Variants in CHST9 observed in about 807,000 individuals in gnomAD.
CHST9 encodes the protein carbohydrate sulfotransferase 9, also known as GalNAc-4-sulfotransferase 2.
CHST9 carries 41 observed loss-of-function variants against 44.4 expected under a neutral mutation model. The observed-to-expected ratio is 0.92, with a 90% CI of 0.72 to 1.20. CHST9 has a LOEUF of 1.20. Among genes scored for constraint, CHST9 ranks in the 50% most tolerant of loss-of-function variants. CHST9 has a pLI of 0.00. For missense variants in CHST9, 504 were observed against 516.5 expected, an observed-to-expected ratio of 0.98 and a Z score of 0.23; for synonymous variants, 171 against 178.4, an observed-to-expected ratio of 0.96 and a Z score of 0.33.
chr18:27,021,544 T>G (rs2143453269), intron 4 of CHST9, among the ~76,000 whole-genome samples: 1 of 152,324 alleles, frequency 6.6e-6, no homozygotes, highest in Non-Finnish European at 1.5e-5. Context: ...TCATTCCTTT[T>G]GATTGCTCCA....
At chr18:27,078,914 A>G (rs1385219991) in intron 2 of CHST9, among the ~76,000 whole-genome samples, 1 of 152,196 alleles carries the variant, frequency 6.6e-6, no homozygotes, top group Non-Finnish European at 1.5e-5. Context: ...CAGATATAGA[A>G]TTCATTAATG....
At chr18:27,163,507 G>A (rs942207408) in intron 1 of CHST9, among the ~76,000 whole-genome samples, 4 of 152,166 alleles carry the variant, frequency 2.6e-5, no homozygotes, top group Non-Finnish European at 4.4e-5. Flanking sequence ...TCAAGCCTCC[G>A]CAATGGCGGG....
At chr18:26,995,667 T>C (rs1037048966) in intron 4 of CHST9, among the ~76,000 whole-genome samples, 46 of 152,184 alleles carry the variant, frequency 3.0e-4, no homozygotes, top group Admixed American at 2.0e-3. Context: ...TAGCTTGGGA[T>C]ACATGAAAAA....
At chr18:26,917,873 G>GTT (rs1172932742) in intron 5 of CHST9, among the ~76,000 whole-genome samples, 2 of 124,774 alleles carry the variant, frequency 1.6e-5, no homozygotes, top group Non-Finnish European at 3.6e-5. Context: ...CAAAAATCAT[G>GTT]TATTTTTTTT....
At chr18:27,028,531 T>G (rs1242079058) in intron 3 of CHST9, among the ~76,000 whole-genome samples, 3 of 151,912 alleles carry the variant, frequency 2.0e-5, no homozygotes, top group Non-Finnish European at 4.4e-5. Flanking sequence ...GCAAATCACT[T>G]AGGAGGCCAG....
chr18:27,082,655 C>T, intron 2 of CHST9, among the ~76,000 whole-genome samples: 1 of 152,176 alleles, frequency 6.6e-6, no homozygotes, highest in East Asian at 1.9e-4. Flanking sequence ...GCAAAAATTT[C>T]AAAAGCTTCT....
intron 5 of CHST9, among the ~76,000 whole-genome samples, chr18:26,928,832 G>A (rs1225765212): frequency 1.3e-5 from 2 of 152,166 alleles, no homozygotes; most frequent in Non-Finnish European, 2.9e-5. Context: ...CTCAGGCAGA[G>A]TCACAGGTGT....
rs1389225076 is a variant in CHST9, at chr18:26,909,642, A to C, written c.*6617T>G. ...TTTTCTAAACTTTGGAAATATTTTC[A>C]GCAAATGAATGCATAAAATGAGATA... On this transcript the variant is annotated 3_prime_UTR_variant, in exon 6 of 6. Coordinates refer to ENST00000618847, the MANE Select transcript of CHST9 (RefSeq NM_031422.6). 5 of 152,240 alleles carry C rather than the reference A, an allele frequency of 3.3e-5. No homozygotes were observed. The highest frequency in any genetic ancestry group is 1.2e-4 in the African/African-American group (5 of 41,462). 9.4% of individuals were successfully genotyped at this position (152,240 alleles called of 1,614,324 possible).
rs1472466858 is a variant in CHST9, at chr18:27,065,435, G to GA, written c.122-16933dup. ...GGGGAGGAGCAGAATGCCATCTCCA[G>GA]AAAAAAAATAATTCTTTAGGAAAAT... is the stretch of plus-strand genomic sequence containing the variant. On this transcript the variant is annotated intron_variant, in intron 2 of 5. Transcript: ENST00000618847. Among the ~76,000 whole-genome samples, 7 of 151,764 alleles carry GA rather than the reference G, an allele frequency of 4.6e-5. 1 individual carries two copies. Among genetic ancestry groups the GA allele is most frequent in the African/African-American group, 1.5e-4 (6 of 41,324 alleles).
At chr18:27,082,832 C>T (rs941069527) in intron 2 of CHST9, among the ~76,000 whole-genome samples, 8 of 152,154 alleles carry the variant, frequency 5.3e-5, no homozygotes, top group African/African-American at 1.9e-4. Context: ...AGAAAATTTT[C>T]TCTAAATGCT....
intron 3 of CHST9, among the ~76,000 whole-genome samples, chr18:27,039,216 C>T (rs1377477930): frequency 6.6e-6 from 1 of 152,134 alleles, no homozygotes; most frequent in Non-Finnish European, 1.5e-5. Context: ...TATATTTGTA[C>T]ACCCATGTTC....
intron 4 of CHST9, among the ~76,000 whole-genome samples, chr18:26,976,395 A>G (rs1045066095): frequency 2.0e-5 from 3 of 152,134 alleles, no homozygotes; most frequent in African/African-American, 7.2e-5. Flanking sequence ...AGCCTAGCAG[A>G]CAAGTGATTT....
intron 5 of CHST9, among the ~76,000 whole-genome samples, chr18:26,922,824 C>T (rs951849748): frequency 8.5e-5 from 13 of 152,056 alleles, no homozygotes; most frequent in African/African-American, 1.9e-4. Context: ...TTAGTAGAGA[C>T]GGGGTCTCAC....
intron 3 of CHST9, among the ~76,000 whole-genome samples, chr18:27,034,255 C>T (rs1941114): frequency 0.11 from 16,050 of 152,168 alleles, 1,061 homozygotes; most frequent in Middle Eastern, 0.17. Context: ...TCTCTGTTTT[C>T]GTATCCTTCC....
intron 2 of CHST9, among the ~76,000 whole-genome samples, chr18:27,063,035 C>G (rs1021241100): frequency 3.3e-5 from 5 of 152,162 alleles, no homozygotes; most frequent in Non-Finnish European, 7.3e-5. Context: ...TGTGTCATGA[C>G]AAAACACCAA....
chr18:26,973,410 T>A (rs2056577948), intron 4 of CHST9, among the ~76,000 whole-genome samples: 1 of 152,066 alleles, frequency 6.6e-6, no homozygotes, highest in Non-Finnish European at 1.5e-5. Flanking sequence ...GAGGCGAAGG[T>A]GCGGAACAGT....
intron 3 of CHST9, among the ~76,000 whole-genome samples, chr18:27,029,277 G>A (rs759117090): frequency 3.9e-5 from 6 of 152,136 alleles, no homozygotes; most frequent in Non-Finnish European, 5.9e-5. Context: ...TGTATTTCTT[G>A]ACTTTGTACC....
chr18:27,068,901 TA>T (rs1191831081), intron 2 of CHST9, among the ~76,000 whole-genome samples: 1 of 152,344 alleles, frequency 6.6e-6, no homozygotes, highest in East Asian at 1.9e-4. Flanking sequence ...TCACATTTTT[TA>T]CTTTGAGCTC....
chr18:27,060,234 G>A (rs1364452009), intron 2 of CHST9, among the ~76,000 whole-genome samples: 1 of 152,206 alleles, frequency 6.6e-6, no homozygotes, highest in East Asian at 1.9e-4. Context: ...AGAAGAGGCT[G>A]TGGACTGGTG....
Sources: gnomAD v4.1 joint callset for allele counts (sites outside exome capture counted in the v4.1 genomes callset) on GRCh38, gnomAD v4.1.1 for gene constraint, MANE v1.5 for transcripts, NCBI Gene and HGNC (gene_info 2026-07-23, HGNC 2026-07-21) for gene names.